Variants in TTC27 observed in about 807,000 individuals in gnomAD.
TTC27 encodes the protein tetratricopeptide repeat protein 27.
In TTC27, 79 loss-of-function variants were observed where a neutral mutation model predicts 115.9. The ratio of observed to expected loss-of-function variants is 0.68; its 90% confidence interval spans 0.57 to 0.82. TTC27 has a LOEUF of 0.82. TTC27 is among the 40% of genes least tolerant of loss of function. TTC27 has a pLI of 0.00. For synonymous variants in TTC27, 401 were observed against 356.0 expected (o/e 1.13, Z -1.42); for missense variants, 1,054 against 993.1 (o/e 1.06, Z -0.82).
intron 13 of TTC27, among the ~76,000 whole-genome samples, chr2:32,772,445 T>C (rs1027385423): frequency 3.9e-5 from 6 of 152,206 alleles, no homozygotes; most frequent in African/African-American, 1.4e-4. Context: ...TTTTTGACTT[T>C]ATGATGGTGC....
chr2:32,679,909 T>C (rs1421069038), intron 9 of TTC27, among the ~76,000 whole-genome samples: 1 of 152,162 alleles, frequency 6.6e-6, no homozygotes, highest in Non-Finnish European at 1.5e-5. Context: ...GAGAACCACC[T>C]CAACCCGGAA....
intron 18 of TTC27, among the ~76,000 whole-genome samples, chr2:32,813,035 A>G (rs1192949949): frequency 6.6e-6 from 1 of 152,204 alleles, no homozygotes; most frequent in Non-Finnish European, 1.5e-5. Context: ...AAAGAAATAT[A>G]AAATAAAAGC....
At chr2:32,757,354 G>GTAAA (rs1163179394) in intron 12 of TTC27, among the ~76,000 whole-genome samples, 1 of 152,200 alleles carries the variant, frequency 6.6e-6, no homozygotes, top group South Asian at 2.1e-4. Context: ...ATATCATTAA[G>GTAAA]TAAACCTCTC....
chr2:32,708,166 C>T (rs948812425), intron 10 of TTC27, among the ~76,000 whole-genome samples: 3 of 151,964 alleles, frequency 2.0e-5, no homozygotes, highest in African/African-American at 7.3e-5. Context: ...ACCAATTCCT[C>T]CTTTTGCTTC....
chr2:32,628,467 A>C, intron 1 of TTC27, 87 bp downstream of exon 1: 1 of 1,284,422 alleles, frequency 7.8e-7, no homozygotes, highest in East Asian at 2.7e-5. Flanking sequence ...CCCTCCCTTC[A>C]TTTTTCCCTA....
chr2:32,663,181 G>A (rs1665618327), intron 5 of TTC27, among the ~76,000 whole-genome samples: 1 of 152,152 alleles, frequency 6.6e-6, no homozygotes, highest in African/African-American at 2.4e-5. Context: ...CCAGGGGAGT[G>A]AATGGTTCTA....
chr2:32,775,230 C>T (rs548908869), intron 13 of TTC27, among the ~76,000 whole-genome samples: 3 of 152,286 alleles, frequency 2.0e-5, no homozygotes, highest in Admixed American at 1.3e-4. Context: ...CGGAGTCTCG[C>T]TCTGTCACCC....
intron 16 of TTC27, among the ~76,000 whole-genome samples, chr2:32,801,864 G>A (rs1670952682): frequency 6.6e-6 from 1 of 152,176 alleles, no homozygotes; most frequent in Non-Finnish European, 1.5e-5. Flanking sequence ...ACTAGGAAGG[G>A]AGTTGATGGA....
rs538457342 is a variant in TTC27, at chr2:32,760,888, T to C, written c.1680+2369T>C. Among the ~76,000 whole-genome samples, 9 of 152,264 alleles carry C rather than the reference T, an allele frequency of 5.9e-5. No individual in the cohort carries two copies. The East Asian group carries it at 1.7e-3, about 29-fold the overall frequency. ...TCCTTCTGCCTCGCTGGCAGCTCCT[T>C]CTCAGGCTCCCTTGCTGGTTCCTAG... On this transcript the variant is annotated intron_variant, in intron 13 of 19. Transcript: ENST00000317907.
At chr2:32,710,047 G>A (rs957107397) in intron 10 of TTC27, among the ~76,000 whole-genome samples, 1 of 152,008 alleles carries the variant, frequency 6.6e-6, no homozygotes, top group Admixed American at 6.6e-5. Flanking sequence ...AGGAGGTCTC[G>A]CTCTCTCACC....
At chr2:32,815,617 G>A (rs1671477903) in intron 18 of TTC27, among the ~76,000 whole-genome samples, 4 of 152,108 alleles carry the variant, frequency 2.6e-5, no homozygotes, top group African/African-American at 9.7e-5. Flanking sequence ...AAAACTAATA[G>A]AGTATATCTG....
At chr2:32,725,128 G>A (rs1465487335) in intron 10 of TTC27, among the ~76,000 whole-genome samples, 1 of 152,122 alleles carries the variant, frequency 6.6e-6, no homozygotes, top group Non-Finnish European at 1.5e-5. Flanking sequence ...TGGGAATTCA[G>A]GATGAGATTT....
At chr2:32,717,666 A>G in intron 10 of TTC27, among the ~76,000 whole-genome samples, 1 of 152,216 alleles carries the variant, frequency 6.6e-6, no homozygotes, top group East Asian at 1.9e-4. Context: ...GGTGTATAGA[A>G]TTCTAGTTGC....
chr2:32,710,057 C>G (rs1293866588), intron 10 of TTC27, among the ~76,000 whole-genome samples: 1 of 151,994 alleles, frequency 6.6e-6, no homozygotes, highest in Non-Finnish European at 1.5e-5. Flanking sequence ...GCTCTCTCAC[C>G]CACTCTGGAG....
At chr2:32,723,728 C>CCCTCCTTCCT in intron 10 of TTC27, among the ~76,000 whole-genome samples, 1 of 29,530 alleles carries the variant, frequency 3.4e-5, no homozygotes, top group South Asian at 1.9e-3. Flanking sequence ...CCCTCCCTCC[C>CCCTCCTTCCT]TCCTTCCTTC....
chr2:32,761,039 CT>C (rs780177347), intron 13 of TTC27, among the ~76,000 whole-genome samples: 9 of 152,210 alleles, frequency 5.9e-5, no homozygotes, highest in Non-Finnish European at 1.3e-4. Flanking sequence ...ATTTTCACTC[CT>C]GTTTTCTCCC....
At chr2:32,639,611 G>A (rs1389504419) in intron 3 of TTC27, among the ~76,000 whole-genome samples, 1 of 152,146 alleles carries the variant, frequency 6.6e-6, no homozygotes, top group Admixed American at 6.5e-5. Flanking sequence ...CTTTAATATA[G>A]GGATGCTTTT....
rs566117902 is a variant in TTC27 at position 32,754,339 on chromosome 2, G to A, written c.1453-3953G>A. On this transcript the variant is annotated intron_variant, in intron 12 of 19. Transcript: ENST00000317907. ...TGGGTACTTGAGATTAGGGAGTGGC[G>A]ATGACTCTTAACGAGCATGCTGCCT... Among the ~76,000 whole-genome samples, 9 of 149,084 alleles carry A rather than the reference G, an allele frequency of 6.0e-5. No homozygotes were observed. The South Asian group carries it at 1.5e-3, about 25-fold the overall frequency.
chr2:32,644,872 C>CTTT (rs35904079), intron 4 of TTC27, among the ~76,000 whole-genome samples: 5 of 83,314 alleles, frequency 6.0e-5, no homozygotes, highest in Admixed American at 1.4e-4. Context: ...TTCCTTTCTG[C>CTTT]TTTTTTTTTT....
Sources: allele counts gnomAD v4.1 joint callset (sites outside exome capture counted in the v4.1 genomes callset), GRCh38; gene constraint gnomAD v4.1.1; transcripts MANE v1.5; gene names NCBI Gene and HGNC (gene_info 2026-07-23, HGNC 2026-07-21).